Variants in SEMA6A observed in about 807,000 individuals in gnomAD.
The protein encoded by SEMA6A is semaphorin 6A, also known as semaphorin-6A.
In SEMA6A, 25 loss-of-function variants were observed where a neutral mutation model predicts 96.8. That is an observed-to-expected ratio of 0.26 (90% CI 0.19 to 0.36). The LOEUF is 0.36. Among genes scored for constraint, SEMA6A ranks in the 10% least tolerant of loss-of-function variants. SEMA6A has a pLI of 1.00. For synonymous variants in SEMA6A, 612 were observed against 518.0 expected (o/e 1.18, Z -2.46); for missense variants, 1,363 against 1,323.1 (o/e 1.03, Z -0.47).
intron 11 of SEMA6A, 93 bp downstream of exon 11, chr5:116,482,351 C>T: frequency 7.4e-7 from 1 of 1,351,452 alleles, no homozygotes; most frequent in South Asian, 1.4e-5. Flanking sequence ...GCATGGAAGG[C>T]ACTGGTGCGC....
intron 2 of SEMA6A, among the ~76,000 whole-genome samples, chr5:116,503,996 G>T (rs920101570): frequency 2.6e-5 from 4 of 152,170 alleles, no homozygotes; most frequent in Admixed American, 6.5e-5. Flanking sequence ...ATTGTTTTGT[G>T]TGTCAGTTTT....
rs1361077993 is a variant in SEMA6A at position 116,505,457 on chromosome 5, GCGCACA to G, written c.-38-481_-38-476del. ...CACACAGGTACACAGACACACGCAC[GCGCACA>G]CACACACACACACACACACACATCT... On this transcript the variant is annotated intron_variant, in intron 1 of 18. Transcript: ENST00000343348. 5.6e-4 allele frequency among the ~76,000 whole-genome samples: 81 copies of G among 143,776 alleles called. 1 individual carries two copies. Among genetic ancestry groups the G allele is most frequent in the African/African-American group, 1.4e-3 (52 of 36,864 alleles). The allele number at this position is 143,776 out of a possible 152,430, so 94.3% of individuals were successfully genotyped here.
intron 1 of SEMA6A, among the ~76,000 whole-genome samples, chr5:116,520,400 T>A (rs1310263592): frequency 6.6e-6 from 1 of 152,036 alleles, no homozygotes; most frequent in Non-Finnish European, 1.5e-5. Context: ...AATCACTGTA[T>A]CCCTCCCATT....
chr5:116,467,884 TG>T lies in SEMA6A; in HGVS notation c.1730-138del. 28 of 166,772 alleles carry T rather than the reference TG, an allele frequency of 1.7e-4. No homozygotes were observed. In the East Asian group the frequency reaches 3.5e-3, roughly 21 times the overall value. The allele number at this position is 166,772 out of a possible 1,614,324, so 10.3% of individuals were successfully genotyped here. A position where few individuals can be genotyped will look rare whatever the true frequency, so the allele number is the denominator to read the frequency against. ...TGGCCCTAGAAATGACACGGCTTAGTGGTGGTGGTGGTGGTGGTGGTGGTGG... is the reference window on the plus strand; with the variant it reads ...TGGCCCTAGAAATGACACGGCTTAGTGTGGTGGTGGTGGTGGTGGTGGTGG... On this transcript the variant is annotated intron_variant, in intron 17 of 18. Transcript: ENST00000343348.
chr5:116,541,939 T>C (rs906995265), intron 1 of SEMA6A, among the ~76,000 whole-genome samples: 2 of 152,254 alleles, frequency 1.3e-5, no homozygotes, highest in African/African-American at 4.8e-5. Flanking sequence ...TTTAAGATGC[T>C]TTATTTATCC....
Position 116,504,975 on chromosome 5 carries a change from A to G in SEMA6A, c.-31T>C, listed in dbSNP as rs1470982000. ...TTCAGCGGGGAGACTTTATTTCTCT[A>G]CTTCACCCTGCCAAAAAGTAAAGAA... On this transcript the variant is annotated 5_prime_UTR_variant, in exon 2 of 19. The change abolishes the stop of an existing upstream ORF in the 5' untranslated region. Coordinates refer to ENST00000343348, the MANE Select transcript of SEMA6A (RefSeq NM_020796.5). 3.4e-6 allele frequency: 5 copies of G among 1,469,984 alleles called. No homozygotes were observed. The South Asian group carries it at 4.8e-5, about 14-fold the overall frequency. The allele number at this position is 1,469,984 out of a possible 1,614,324, so 91.1% of individuals were successfully genotyped here.
chr5:116,484,475 C>G (rs1399377004), intron 10 of SEMA6A, among the ~76,000 whole-genome samples: 2 of 152,030 alleles, frequency 1.3e-5, no homozygotes, highest in Non-Finnish European at 2.9e-5. Flanking sequence ...AGGGTCTTGC[C>G]CTCAGTTGGC....
chr5:116,548,551 A>G (rs1022636936), intron 1 of SEMA6A, among the ~76,000 whole-genome samples: 2 of 152,202 alleles, frequency 1.3e-5, no homozygotes, highest in African/African-American at 4.8e-5. Flanking sequence ...ATACCACGGA[A>G]AAGTTATTGT....
At chr5:116,560,132 C>G (rs1246383344) in intron 1 of SEMA6A, among the ~76,000 whole-genome samples, 1 of 152,184 alleles carries the variant, frequency 6.6e-6, no homozygotes, top group South Asian at 2.1e-4. Context: ...CTCCTCCTCC[C>G]CCTTGCCTCC....
intron 1 of SEMA6A, among the ~76,000 whole-genome samples, chr5:116,544,274 G>A (rs1327511230): frequency 2.6e-5 from 4 of 151,920 alleles, no homozygotes; most frequent in Admixed American, 6.6e-5. Flanking sequence ...CTGCCACACA[G>A]GATTGAGGTT....
intron 3 of SEMA6A, 88 bp downstream of exon 3, chr5:116,502,122 A>G (rs768424687): frequency 4.2e-5 from 41 of 978,642 alleles, no homozygotes; most frequent in Admixed American, 6.2e-5. Context: ...AGAAACCTCA[A>G]GATCTTAAAA....
intron 11 of SEMA6A, 106 bp from the exon 12 acceptor site, chr5:116,480,383 C>G: frequency 7.4e-7 from 1 of 1,354,618 alleles, no homozygotes; most frequent in East Asian, 2.3e-5. Flanking sequence ...GGAGAATGTA[C>G]TGCAGCCTGA....
chr5:116,544,630 G>A (rs1180099309), intron 1 of SEMA6A, among the ~76,000 whole-genome samples: 1 of 152,030 alleles, frequency 6.6e-6, no homozygotes, highest in Admixed American at 6.6e-5. Context: ...AAGTTGCAAG[G>A]ACAAGAACAG....
intron 1 of SEMA6A, among the ~76,000 whole-genome samples, chr5:116,515,896 A>G (rs1758646085): frequency 6.6e-6 from 1 of 152,252 alleles, no homozygotes; most frequent in Non-Finnish European, 1.5e-5. Context: ...TAACAGCCCC[A>G]AATAACAATG....
At chr5:116,471,203 C>T (rs1355464140) in intron 17 of SEMA6A, 1 of 152,104 alleles carries the variant, frequency 6.6e-6, no homozygotes, top group Non-Finnish European at 1.5e-5. Context: ...GCCTCAAGAC[C>T]TGAAAATGAA....
At chr5:116,482,350 G>T in intron 11 of SEMA6A, 94 bp downstream of exon 11, 1 of 1,337,290 alleles carries the variant, frequency 7.5e-7, no homozygotes, top group Non-Finnish European at 1.0e-6. Context: ...GGCATGGAAG[G>T]CACTGGTGCG....
At chr5:116,564,843 C>G (rs541901610) in intron 1 of SEMA6A, among the ~76,000 whole-genome samples, 1 of 152,350 alleles carries the variant, frequency 6.6e-6, no homozygotes, top group Non-Finnish European at 1.5e-5. Flanking sequence ...AAAATGGTCT[C>G]TAGCTCCTTA....
At chr5:116,532,513 G>C (rs966414829) in intron 1 of SEMA6A, among the ~76,000 whole-genome samples, 1 of 152,252 alleles carries the variant, frequency 6.6e-6, no homozygotes, top group South Asian at 2.1e-4. Flanking sequence ...AGAGAGGGTA[G>C]CCTGTAACCT....
rs759436693 is a variant in SEMA6A, at chr5:116,478,119, A to G, written c.1463T>C (p.Met488Thr). 1.2e-6 allele frequency: 2 copies of G among 1,613,944 alleles called. No individual in the cohort carries two copies. Among genetic ancestry groups the G allele is most frequent in the Admixed American group, 1.7e-5 (1 of 59,984 alleles). ...GCTTGCTCTGTCCAGCTGCATGCCC[A>G]TGATCCTTTTGTCTTCGACTCCATC... is the stretch of plus-strand genomic sequence containing the variant. ...SYDGVEDKRI[M>T]GMQLDRASSS... is the part of the protein sequence containing the mutation. Residue 488 changes from methionine (M) to threonine (T), a missense_variant, in exon 14 of 19, where the codon ATG becomes ACG. By Grantham distance (81) the Met-to-Thr change is moderately conservative. Coordinates refer to ENST00000343348, the MANE Select transcript of SEMA6A (RefSeq NM_020796.5).
Sources: gnomAD v4.1 joint callset for allele counts (sites outside exome capture counted in the v4.1 genomes callset) on GRCh38, gnomAD v4.1.1 for gene constraint, MANE v1.5 for transcripts, NCBI Gene and HGNC (gene_info 2026-07-23, HGNC 2026-07-21) for gene names.